The following ATAD5 variants were observed in gnomAD, a reference collection of about 807,000 sequenced individuals.
The protein encoded by ATAD5 is ATPase family AAA domain containing 5, also known as ATPase family AAA domain-containing protein 5.
A neutral mutation model predicts 176.9 loss-of-function variants in ATAD5; 58 were observed. That is an observed-to-expected ratio of 0.33 (90% CI 0.27 to 0.41). The LOEUF (loss-of-function observed/expected upper bound fraction) is 0.41. Among genes scored for constraint, ATAD5 ranks in the 10% least tolerant of loss-of-function variants. ATAD5 has a pLI of 1.00. For missense variants in ATAD5, 1,789 were observed against 2,094.1 expected (o/e 0.85, Z 2.84); for synonymous variants, 640 against 712.6 (o/e 0.90, Z 1.62).
chr17:30,880,764 A>G (rs536458810), intron 18 of ATAD5, among the ~76,000 whole-genome samples: 7 of 152,260 alleles, frequency 4.6e-5, no homozygotes, highest in East Asian at 3.9e-4. Flanking sequence ...CTAGGCTTCA[A>G]TGTTCACTAG....
chr17:30,863,589 A>G (rs983098703), intron 10 of ATAD5, among the ~76,000 whole-genome samples: 2 of 147,944 alleles, frequency 1.4e-5, no homozygotes, highest in African/African-American at 5.0e-5. Context: ...GATGGTCTTG[A>G]TCTCCTGACC....
At chr17:30,871,581 C>A (rs1342284386) in intron 14 of ATAD5, among the ~76,000 whole-genome samples, 4 of 151,972 alleles carry the variant, frequency 2.6e-5, no homozygotes, top group Admixed American at 1.3e-4. Flanking sequence ...AACTCCTGAC[C>A]TCAGGTGATC....
At chr17:30,862,296 T>C (rs1907685101) in intron 10 of ATAD5, among the ~76,000 whole-genome samples, 1 of 149,790 alleles carries the variant, frequency 6.7e-6, no homozygotes. Flanking sequence ...ATCTCGCCAC[T>C]GCACTCCAGC....
At chr17:30,833,261 TC>T (rs1330645276) in intron 1 of ATAD5, among the ~76,000 whole-genome samples, 5 of 152,236 alleles carry the variant, frequency 3.3e-5, no homozygotes, top group African/African-American at 1.2e-4. Context: ...CAGCTTGTCT[TC>T]TGGTACTTGA....
intron 6 of ATAD5, among the ~76,000 whole-genome samples, chr17:30,850,853 ATATATATATATATATATTTTTTTTTT>A (rs1567683561): frequency 2.4e-4 from 9 of 37,884 alleles, no homozygotes; most frequent in African/African-American, 5.9e-4. Context: ...ATATATATAT[ATATATATATATATATATTTTTTTTTT>A]TTTTTTTTTT....
intron 3 of ATAD5, among the ~76,000 whole-genome samples, chr17:30,838,957 G>A (rs1482115840): frequency 6.6e-6 from 1 of 152,134 alleles, no homozygotes; most frequent in South Asian, 2.1e-4. Flanking sequence ...GTAATTTTCT[G>A]GGTGAGATTT....
At chr17:30,849,804 G>A (rs1203784160) in intron 6 of ATAD5, among the ~76,000 whole-genome samples, 1 of 152,118 alleles carries the variant, frequency 6.6e-6, no homozygotes, top group Non-Finnish European at 1.5e-5. Context: ...ACATTTAAAA[G>A]ACACAAAGAA....
chr17:30,878,121 G>C, intron 17 of ATAD5, 25 bp downstream of exon 17: 1 of 1,455,128 alleles, frequency 6.9e-7, no homozygotes, highest in African/African-American at 1.4e-5. Context: ...TTTTACTTCA[G>C]TTAAACAGTT....
chr17:30,868,640 GGGATTACAGGCGCCTGC>G (rs1908144745), intron 12 of ATAD5, among the ~76,000 whole-genome samples: 1 of 150,894 alleles, frequency 6.6e-6, no homozygotes, highest in African/African-American at 2.4e-5. Context: ...CTGAGTAGCT[GGGATTACAGGCGCCTGC>G]CGCCACGCCC....
At chr17:30,861,100 G>A (rs529540946) in intron 10 of ATAD5, among the ~76,000 whole-genome samples, 2 of 151,762 alleles carry the variant, frequency 1.3e-5, no homozygotes, top group East Asian at 3.9e-4. Flanking sequence ...ACCGTGCCTG[G>A]CCACGCCCAG....
intron 6 of ATAD5, among the ~76,000 whole-genome samples, chr17:30,851,772 G>A (rs1269988960): frequency 2.6e-5 from 4 of 152,130 alleles, no homozygotes; most frequent in Non-Finnish European, 5.9e-5. Flanking sequence ...TAGTAGAGAC[G>A]GGGTTTTGCC....
At position 30,834,812 on chromosome 17, in the gene ATAD5, G is replaced by C. The variant is rs201064814; in HGVS notation, c.731G>C (p.Ser244Thr). 3.7e-6 allele frequency: 6 copies of C among 1,613,978 alleles called. No individual in the cohort carries two copies. Among genetic ancestry groups the C allele is most frequent in the Admixed American group, 1.7e-5 (1 of 59,990 alleles). Reference sequence around the variant, plus strand: ...ACTAAACAGATGGAGAATACTACAAGCCATGCAAACTCTAGAGATAACGTA... The same window carrying C: ...ACTAAACAGATGGAGAATACTACAACCCATGCAAACTCTAGAGATAACGTA... ...KDTKQMENTT[S>T]HANSRDNVTE... is the part of the protein sequence containing the mutation. The change falls in exon 2 of 23, where the codon AGC becomes ACC. Residue 244 changes from serine (S) to threonine (T), a missense_variant. Transcript: ENST00000321990.
rs1443649503 is a variant in ATAD5, at chr17:30,895,635, A to G, written c.*722A>G. The G allele has an allele frequency of 6.6e-6, 1 of 152,134 alleles. No individual in the cohort carries two copies. The highest frequency in any genetic ancestry group is 1.5e-5 in the Non-Finnish European group (1 of 68,138). The allele number at this position is 152,134 out of a possible 1,614,324, so 9.4% of individuals were successfully genotyped here. A position where few individuals can be genotyped will look rare whatever the true frequency, so the allele number is the denominator to read the frequency against. On this transcript the variant is annotated 3_prime_UTR_variant, in exon 23 of 23. Coordinates refer to ENST00000321990, the MANE Select transcript of ATAD5 (RefSeq NM_024857.5). ...GGTTAGGCTGGTCTCTTAACTCCTGACCTCAAGTGATCCATCTGCCTCGGC... is the reference window on the plus strand; with the variant it reads ...GGTTAGGCTGGTCTCTTAACTCCTGGCCTCAAGTGATCCATCTGCCTCGGC...
intron 7 of ATAD5, 147 bp downstream of exon 7, chr17:30,855,474 T>C (rs1448678779): frequency 1.1e-6 from 1 of 876,818 alleles, no homozygotes; most frequent in African/African-American, 1.7e-5. Context: ...TTTCTCTCAC[T>C]ATCCATGGGG....
intron 9 of ATAD5, among the ~76,000 whole-genome samples, chr17:30,859,015 C>A (rs1274491785): frequency 6.6e-6 from 1 of 152,192 alleles, no homozygotes; most frequent in Non-Finnish European, 1.5e-5. Flanking sequence ...GGATTACAGG[C>A]ATGAGTCACC....
At chr17:30,853,818 G>C (rs547661030) in intron 6 of ATAD5, among the ~76,000 whole-genome samples, 43 of 152,200 alleles carry the variant, frequency 2.8e-4, no homozygotes, top group African/African-American at 9.9e-4. Flanking sequence ...GGGCAAAACT[G>C]AGACAATAAT....
At chr17:30,853,463 A>C (rs1907095069) in intron 6 of ATAD5, among the ~76,000 whole-genome samples, 1 of 152,130 alleles carries the variant, frequency 6.6e-6, no homozygotes. Context: ...GCCAATTAAC[A>C]GTTAAAAAAA....
At chr17:30,890,428 T>C (rs992089452) in intron 19 of ATAD5, among the ~76,000 whole-genome samples, 2 of 145,142 alleles carry the variant, frequency 1.4e-5, no homozygotes, top group African/African-American at 2.5e-5. Flanking sequence ...CTTTTTTTTT[T>C]TTTTTTTTTT....
At chr17:30,891,350 A>G (rs9903290) in intron 19 of ATAD5, among the ~76,000 whole-genome samples, 4,093 of 152,184 alleles carry the variant, frequency 0.027, 171 homozygotes, top group African/African-American at 0.09. Flanking sequence ...GTGAAATTGC[A>G]TATCTTTTTA....
Sources: gnomAD v4.1 joint callset for allele counts (sites outside exome capture counted in the v4.1 genomes callset) on GRCh38, gnomAD v4.1.1 for gene constraint, MANE v1.5 for transcripts, NCBI Gene and HGNC (gene_info 2026-07-23, HGNC 2026-07-21) for gene names.